Variants in ZNF736 observed in about 807,000 individuals in gnomAD.
ZNF736 encodes zinc finger protein 736, also known as KRAB-containing zinc-finger repressor protein.
Under a neutral mutation model 11.7 loss-of-function variants are expected in ZNF736, and 6 were observed. The observed-to-expected ratio is 0.51, with a 90% CI of 0.28 to 1.01. ZNF736 has a LOEUF of 1.01. ZNF736 is among the 50% of genes least tolerant of loss of function. The pLI is 0.09. For missense variants in ZNF736, 444 were observed against 496.0 expected, an observed-to-expected ratio of 0.90 and a Z score of 1.00; for synonymous variants, 139 against 164.7, an observed-to-expected ratio of 0.84 and a Z score of 1.19.
intron 3 of ZNF736, among the ~76,000 whole-genome samples, chr7:64,346,124 G>A (rs1256906467): frequency 6.6e-6 from 1 of 152,054 alleles, no homozygotes; most frequent in Admixed American, 6.6e-5. Context: ...TTTGCTTTAT[G>A]TGTTTGGGAA....
chr7:64,317,217 C>T (rs772999513), intron 1 of ZNF736, among the ~76,000 whole-genome samples: 1 of 152,144 alleles, frequency 6.6e-6, no homozygotes, highest in African/African-American at 2.4e-5. Flanking sequence ...CTAGTATAAT[C>T]GTAGCCAGTG....
intron 1 of ZNF736, among the ~76,000 whole-genome samples, chr7:64,324,062 T>C (rs1282395669): frequency 6.6e-6 from 1 of 152,218 alleles, no homozygotes; most frequent in Non-Finnish European, 1.5e-5. Flanking sequence ...GGCATAATTG[T>C]CAAAGGCTTC....
chr7:64,340,382 T>C (rs1789320414), intron 3 of ZNF736, among the ~76,000 whole-genome samples: 1 of 152,048 alleles, frequency 6.6e-6, no homozygotes, highest in African/African-American at 2.4e-5. Context: ...TGGAAGGAGC[T>C]GGAGATGGTT....
chr7:64,340,557 T>C (rs1283679697), intron 3 of ZNF736, among the ~76,000 whole-genome samples: 1 of 152,148 alleles, frequency 6.6e-6, no homozygotes, highest in Non-Finnish European at 1.5e-5. Flanking sequence ...ACCCTCTCCT[T>C]GAAAAACAAA....
At chr7:64,343,455 G>A (rs1789366773) in intron 3 of ZNF736, among the ~76,000 whole-genome samples, 1 of 152,130 alleles carries the variant, frequency 6.6e-6, no homozygotes, top group Admixed American at 6.5e-5. Flanking sequence ...CTACCTATGG[G>A]GTACTGTGCT....
In ZNF736 at chr7:64,332,587, G is replaced by C. The variant is rs375104669; in HGVS notation, c.4-3672G>C. Among the ~76,000 whole-genome samples the C allele has an allele frequency of 3.5e-3, 540 of 152,202 alleles. 4 individuals carry two copies. The highest frequency in any genetic ancestry group is 0.012 in the African/African-American group (504 of 41,504). On this transcript the variant is annotated intron_variant, in intron 1 of 3. Coordinates refer to ENST00000423484, the MANE Select transcript of ZNF736 (RefSeq NM_001170905.3). ...ACAGAAAACAGGTTTCAAGAGCAGA[G>C]AACCCATCTGACCACAAATTTACCC...
chr7:64,322,840 A>T (rs1469483758), intron 1 of ZNF736, among the ~76,000 whole-genome samples: 1 of 152,210 alleles, frequency 6.6e-6, no homozygotes, highest in Non-Finnish European at 1.5e-5. Context: ...AACAGATTAG[A>T]TAATAGTTTA....
In ZNF736 at chr7:64,343,329, T is replaced by C. The variant is rs180803218; in HGVS notation, c.227-4761T>C. Among the ~76,000 whole-genome samples, 11 of 152,344 alleles carry C rather than the reference T, an allele frequency of 7.2e-5. No homozygotes were observed. The East Asian group carries it at 1.7e-3, about 24-fold the overall frequency. Reference sequence around the variant, plus strand: ...AAAAACCAGAAAGGCAAATACTGCATGTTCTTACTTACAAGTGAGAGCTAA... The same window carrying C: ...AAAAACCAGAAAGGCAAATACTGCACGTTCTTACTTACAAGTGAGAGCTAA... On this transcript the variant is annotated intron_variant, in intron 3 of 3. Coordinates refer to ENST00000423484, the MANE Select transcript of ZNF736 (RefSeq NM_001170905.3).
chr7:64,344,226 T>C (rs746518433), intron 3 of ZNF736, among the ~76,000 whole-genome samples: 40 of 152,134 alleles, frequency 2.6e-4, no homozygotes, highest in Non-Finnish European at 4.6e-4. Context: ...CACTTGAACC[T>C]GGGAGGCAGA....
chr7:64,334,999 A>G (rs1458430475), intron 1 of ZNF736, among the ~76,000 whole-genome samples: 1 of 152,188 alleles, frequency 6.6e-6, no homozygotes, highest in Non-Finnish European at 1.5e-5. Flanking sequence ...ACATGGATGA[A>G]GCTGGAACCA....
In ZNF736 at chr7:64,351,470, A is replaced by T. The variant is rs1789488169; in HGVS notation, c.*2323A>T. 6.6e-6 allele frequency: 1 copy of T among 152,276 alleles called. No individual in the cohort carries two copies. Among genetic ancestry groups the T allele is most frequent in the Non-Finnish European group, 1.5e-5 (1 of 68,110 alleles). 9.4% of individuals were successfully genotyped at this position (152,276 alleles called of 1,614,324 possible). A position where few individuals can be genotyped will look rare whatever the true frequency, so the allele number is the denominator to read the frequency against. On this transcript the variant is annotated 3_prime_UTR_variant, in exon 4 of 4. Coordinates refer to ENST00000423484, the MANE Select transcript of ZNF736 (RefSeq NM_001170905.3). The stretch of plus-strand genomic sequence containing the variant: ...AGTCAGGCATGTCCCTCCAGTGCAG[A>T]TGCTCTGGTATGAGCTTCCAGGGTA...
intron 1 of ZNF736, among the ~76,000 whole-genome samples, chr7:64,326,636 T>C (rs1202472585): frequency 1.4e-5 from 2 of 140,702 alleles, no homozygotes; most frequent in Non-Finnish European, 3.1e-5. Flanking sequence ...CTGTATGATA[T>C]ATCAATAGTT....
At chr7:64,328,816 C>G (rs563803970) in intron 1 of ZNF736, among the ~76,000 whole-genome samples, 1 of 152,192 alleles carries the variant, frequency 6.6e-6, no homozygotes, top group African/African-American at 2.4e-5. Context: ...TATTCTATAA[C>G]CTTCTTGTAC....
At position 64,352,184 on chromosome 7, in the gene ZNF736, A is replaced by G. The variant is rs947224430; in HGVS notation, c.*3037A>G. 1.3e-5 allele frequency: 2 copies of G among 152,306 alleles called. No individual in the cohort carries two copies. Among genetic ancestry groups the G allele is most frequent in the Non-Finnish European group, 2.9e-5 (2 of 68,126 alleles). 9.4% of individuals were successfully genotyped at this position (152,306 alleles called of 1,614,324 possible). A position where few individuals can be genotyped will look rare whatever the true frequency, so the allele number is the denominator to read the frequency against. On this transcript the variant is annotated 3_prime_UTR_variant, in exon 4 of 4. Coordinates refer to ENST00000423484, the MANE Select transcript of ZNF736 (RefSeq NM_001170905.3). Reference sequence around the variant, plus strand: ...ACCACTTCTGAAGGGCTGCTGCAGTATGCTGGGTGTCCACTACAGTTTCTA... The same window carrying G: ...ACCACTTCTGAAGGGCTGCTGCAGTGTGCTGGGTGTCCACTACAGTTTCTA...
chr7:64,324,278 T>TAACATAAGAGGAGCCAAGG (rs1789047574), intron 1 of ZNF736, among the ~76,000 whole-genome samples: 1 of 152,110 alleles, frequency 6.6e-6, no homozygotes. Context: ...CATCAACAAA[T>TAACATAAGAGGAGCCAAGG]AACATAAGAG....
intron 1 of ZNF736, among the ~76,000 whole-genome samples, chr7:64,329,863 G>T (rs2086167): frequency 0.12 from 18,770 of 152,166 alleles, 1,447 homozygotes; most frequent in Non-Finnish European, 0.17. Context: ...CTCTGGGCTG[G>T]GGGTAGCAAA....
In ZNF736 at chr7:64,352,931, A is replaced by G. The variant is rs910099555; in HGVS notation, c.*3784A>G. Reference sequence around the variant, plus strand: ...GTGAGGCATTGTTGAAGTGGGTCCTACAGACCATCACTATCAGCCCCCTGG... The same window carrying G: ...GTGAGGCATTGTTGAAGTGGGTCCTGCAGACCATCACTATCAGCCCCCTGG... On this transcript the variant is annotated 3_prime_UTR_variant, in exon 4 of 4. Transcript: ENST00000423484. 13 of 152,302 alleles carry G rather than the reference A, an allele frequency of 8.5e-5. No individual in the cohort carries two copies. The highest frequency in any genetic ancestry group is 3.1e-4 in the African/African-American group (13 of 41,438). The allele number at this position is 152,302 out of a possible 1,614,324, so 9.4% of individuals were successfully genotyped here.
At chr7:64,331,740 T>G (rs958926072) in intron 1 of ZNF736, among the ~76,000 whole-genome samples, 1 of 152,166 alleles carries the variant, frequency 6.6e-6, no homozygotes, top group African/African-American at 2.4e-5. Flanking sequence ...GAGGTGAGTT[T>G]AGCTTTAGTT....
rs1163543469 is a variant in ZNF736, at chr7:64,319,353, A to G, written c.3+5200A>G. Among the ~76,000 whole-genome samples the G allele has an allele frequency of 9.5e-4, 103 of 108,806 alleles. 2 individuals are homozygous for G. The highest frequency in any genetic ancestry group is 2.4e-3 in the African/African-American group (57 of 23,368). The allele number at this position is 108,806 out of a possible 152,430, so 71.4% of individuals were successfully genotyped here. ...TATGTGTATATATATATATATATAT[A>G]TATATATATATATATATATATATAT... On this transcript the variant is annotated intron_variant, in intron 1 of 3. Coordinates refer to ENST00000423484, the MANE Select transcript of ZNF736 (RefSeq NM_001170905.3).
Sources: gnomAD v4.1 joint callset for allele counts (sites outside exome capture counted in the v4.1 genomes callset) on GRCh38, gnomAD v4.1.1 for gene constraint, MANE v1.5 for transcripts, NCBI Gene and HGNC (gene_info 2026-07-23, HGNC 2026-07-21) for gene names.